The following MUC5B variants were observed in gnomAD, a reference collection of about 807,000 sequenced individuals.
The protein encoded by MUC5B is mucin-5B.
In MUC5B, 116 loss-of-function variants were observed where a neutral mutation model predicts 376.9. That is an observed-to-expected ratio of 0.31 (90% CI 0.26 to 0.36). The LOEUF (loss-of-function observed/expected upper bound fraction) is 0.36, where lower values mean the gene tolerates loss of function less well. Ranked by LOEUF, MUC5B falls within the 10% of genes least tolerant of loss-of-function variation. MUC5B has a pLI of 1.00. For synonymous variants in MUC5B, 3,517 were observed against 3,390.9 expected, an observed-to-expected ratio of 1.04 and a Z score of -1.29; for missense variants, 7,165 against 7,769.9, an observed-to-expected ratio of 0.92 and a Z score of 2.93.
intron 1 of MUC5B, 56 bp downstream of exon 1, chr11:1,223,249 G>A: frequency 1.4e-6 from 1 of 702,934 alleles, no homozygotes; most frequent in East Asian, 2.7e-5. Context: ...GGGGGTCTCT[G>A]CAGGTCGCTT....
At position 1,250,978 on chromosome 11, in the gene MUC5B, C is replaced by T. The variant is rs914632266; in HGVS notation, c.14098C>T (p.Pro4700Ser). 6.2e-7 allele frequency: 1 copy of T among 1,611,684 alleles called. No individual in the cohort carries two copies. The highest frequency in any genetic ancestry group is 8.5e-7 in the Non-Finnish European group (1 of 1,178,658). ...TGSTTNPSSTPGTTPITPVLT... is the reference protein window; with the variant it reads ...TGSTTNPSSTSGTTPITPVLT... Reference sequence around the variant, plus strand: ...CTCCACCACCAACCCCTCCTCAACTCCAGGGACAACACCCATCACCCCAGT... The same window carrying T: ...CTCCACCACCAACCCCTCCTCAACTTCAGGGACAACACCCATCACCCCAGT... The change falls in exon 31 of 49, where the codon CCA (proline) becomes TCA (serine). Residue 4700 changes from proline to serine, a missense_variant. Pro to Ser is a moderately conservative substitution (Grantham distance 74). Transcript: ENST00000529681.
At position 1,230,576 on chromosome 11, in the gene MUC5B, G is replaced by C. The variant is rs562331900; in HGVS notation, c.1446G>C (p.Thr482=). The part of the protein sequence containing the change: ...TDNENCLKAV[T]LSLDGGDTAI... Reference sequence around the variant, plus strand: ...ACGAGAACTGCCTGAAAGCGGTGACGCTCAGCCTGGACGGCGGGGACACGG... The same window carrying C: ...ACGAGAACTGCCTGAAAGCGGTGACCCTCAGCCTGGACGGCGGGGACACGG... Residue 482 remains threonine, a synonymous_variant, in exon 12 of 49, where the codon ACG becomes ACC. Coordinates refer to ENST00000529681, the MANE Select transcript of MUC5B (RefSeq NM_002458.3). 6.2e-7 allele frequency: 1 copy of C among 1,610,270 alleles called. No homozygotes were observed. The highest frequency in any genetic ancestry group is 8.5e-7 in the Non-Finnish European group (1 of 1,178,436).
In MUC5B at chr11:1,242,609, C is replaced by A. The variant is rs200669107; in HGVS notation, c.5729C>A (p.Pro1910Gln). 3.7e-6 allele frequency: 6 copies of A among 1,613,602 alleles called. No individual in the cohort carries two copies. The highest frequency in any genetic ancestry group is 5.1e-6 in the Non-Finnish European group (6 of 1,179,750). The part of the protein sequence containing the change: ...TPGTTWILTK[P>Q]TTTATTTAST... ...GGGACGACCTGGATCCTCACAAAGCCGACCACAACAGCCACTACGACTGCG... is the reference window on the plus strand; with the variant it reads ...GGGACGACCTGGATCCTCACAAAGCAGACCACAACAGCCACTACGACTGCG... The change falls in exon 31 of 49, where the codon CCG (proline) becomes CAG (glutamine). Residue 1910 changes from proline (P) to glutamine (Q), a missense_variant. Pro to Gln is a moderately conservative substitution (Grantham distance 76). Coordinates refer to ENST00000529681, the MANE Select transcript of MUC5B (RefSeq NM_002458.3).
At chr11:1,251,868 T>G in intron 31 of MUC5B, 125 bp downstream of exon 31, 1 of 736,736 alleles carries the variant, frequency 1.4e-6, no homozygotes, top group African/African-American at 1.8e-5. Context: ...TGGCCTCACT[T>G]GGCCCCTCCC....
Position 1,260,004 on chromosome 11 carries a change from C to T in MUC5B, c.16842C>T (p.Thr5614=), listed in dbSNP as rs1564954756. The T allele has an allele frequency of 6.8e-6, 11 of 1,612,866 alleles. No homozygotes were observed. The highest frequency in any genetic ancestry group is 3.3e-5 in the Admixed American group (2 of 59,992). ...TWVNSHVDNC[T]VYLCEAEGGV... Reference sequence around the variant, plus strand: ...TCAACAGCCATGTGGACAACTGCACCGTGTACCTCTGTGAGGCTGAGGGTG... The same window carrying T: ...TCAACAGCCATGTGGACAACTGCACTGTGTACCTCTGTGAGGCTGAGGGTG... The change falls in exon 46 of 49, where the codon ACC becomes ACT. Residue 5614 remains threonine (T), a synonymous_variant. Coordinates refer to ENST00000529681, the MANE Select transcript of MUC5B (RefSeq NM_002458.3).
rs905224388 is a variant in MUC5B at position 1,258,061 on chromosome 11, T to G, written c.16451-38T>G. On this transcript the variant is annotated intron_variant, in intron 41 of 48. Coordinates refer to ENST00000529681, the MANE Select transcript of MUC5B (RefSeq NM_002458.3). This position sits in a 1 kb window ranked among gnomAD's most constrained non-coding sequence, Gnocchi z 5.5. ...GGGAACAAGTGGTCGGGAGGAGGAG[T>G]GAGCAGCGCCCAGACAGTGGCCTCC... is the stretch of plus-strand genomic sequence containing the variant. 4 of 1,522,896 alleles carry G rather than the reference T, an allele frequency of 2.6e-6. No homozygotes were observed. In the African/African-American group the frequency reaches 5.5e-5, roughly 21 times the overall value. The allele number at this position is 1,522,896 out of a possible 1,614,324, so 94.3% of individuals were successfully genotyped here. A position where few individuals can be genotyped will look rare whatever the true frequency, so the allele number is the denominator to read the frequency against.
rs376129934 is a variant in MUC5B at position 1,252,365 on chromosome 11, C to T, written c.14886C>T (p.Thr4962=). 677 of 1,573,398 alleles carry T rather than the reference C, an allele frequency of 4.3e-4. 1 individual carries two copies. Among genetic ancestry groups the T allele is most frequent in the Non-Finnish European group, 5.4e-4 (628 of 1,159,370 alleles). Residue 4962 remains threonine, a synonymous_variant, in exon 32 of 49, where the codon ACC becomes ACT. Transcript: ENST00000529681. ...FSPGEVIYNK[T]DRAGCHFYAV... is the part of the protein sequence containing the mutation. The stretch of plus-strand genomic sequence containing the variant: ...CAGGGGAAGTCATCTACAATAAGAC[C>T]GACCGAGCCGGCTGCCATTTCTACG...
At chr11:1,230,431 T>TG in intron 11 of MUC5B, 59 bp from the exon 12 acceptor site, 4 of 1,469,916 alleles carry the variant, frequency 2.7e-6, no homozygotes, top group Non-Finnish European at 3.7e-6. Flanking sequence ...AGCACACTTC[T>TG]GGGGGGCACC....
intron 18 of MUC5B, 96 bp downstream of exon 18, chr11:1,233,364 A>G: frequency 7.4e-7 from 1 of 1,352,006 alleles, no homozygotes; most frequent in Non-Finnish European, 9.8e-7. Context: ...GAGGGTTCTG[A>G]GACATGAGGG....
Position 1,247,396 on chromosome 11 carries a change from A to G in MUC5B, c.10516A>G (p.Thr3506Ala). The change falls in exon 31 of 49, where the codon ACT becomes GCT. Residue 3506 changes from threonine to alanine, a missense_variant. This residue lies in a region of MUC5B where 939 missense variants were observed against 770.6 expected (regional missense o/e 1.22). Coordinates refer to ENST00000529681, the MANE Select transcript of MUC5B (RefSeq NM_002458.3). The stretch of plus-strand genomic sequence containing the variant: ...AACCACCAGTACCACCCAGCACTCG[A>G]CTCCAGCCCTGTCCAGCCCTCACCC... ...AATTSTTQHS[T>A]PALSSPHPSS... The G allele has an allele frequency of 6.2e-7, 1 of 1,606,950 alleles. No homozygotes were observed. The highest frequency in any genetic ancestry group is 8.5e-7 in the Non-Finnish European group (1 of 1,178,032).
intron 10 of MUC5B, 96 bp from the exon 11 acceptor site, chr11:1,229,909 G>T (rs1295566744): frequency 8.4e-6 from 13 of 1,546,172 alleles, no homozygotes; most frequent in Non-Finnish European, 8.7e-7. Flanking sequence ...GGAGCTCCTG[G>T]TGTGCACCCA....
chr11:1,249,464 T>A lies in MUC5B; in HGVS notation c.12584T>A (p.Leu4195Gln). The A allele has an allele frequency of 6.2e-7, 1 of 1,611,434 alleles. No homozygotes were observed. The change falls in exon 31 of 49, where the codon CTG (leucine) becomes CAG (glutamine). Residue 4195 changes from leucine (L) to glutamine (Q), a missense_variant. By Grantham distance (113) the Leu-to-Gln change is moderately radical. Transcript: ENST00000529681. ...TTGGGCCAGGTCGTGGAATGCAGCC[T>A]GGACTTTGGCCTGGTCTGCAGGAAC... ...GELGQVVECS[L>Q]DFGLVCRNRE...
rs769031505 is a variant in MUC5B at position 1,233,254 on chromosome 11, C to T, written c.2307C>T (p.Asp769=). The change falls in exon 18 of 49, where the codon GAC becomes GAT. Residue 769 remains aspartate, a synonymous_variant. Coordinates refer to ENST00000529681, the MANE Select transcript of MUC5B (RefSeq NM_002458.3). ...TVLAPGEVVH[D]EGAVCSCTGG... ...TGGCTCCTGGAGAGGTGGTGCACGA[C>T]GAGGGCGCCGTGTGGTAAGGGTCTG... is the stretch of plus-strand genomic sequence containing the variant. 1.8e-5 allele frequency: 28 copies of T among 1,572,480 alleles called. No individual in the cohort carries two copies. The highest frequency in any genetic ancestry group is 1.7e-4 in the Middle Eastern group (1 of 6,008).
intron 5 of MUC5B, 50 bp from the exon 6 acceptor site, chr11:1,227,258 G>A (rs1289585076): frequency 1.1e-5 from 17 of 1,581,014 alleles, no homozygotes; most frequent in Non-Finnish European, 1.5e-5. Flanking sequence ...CATGTTGCCA[G>A]TGTGGGGATC....
Position 1,257,924 on chromosome 11 carries a change from C to T in MUC5B, c.16451-175C>T, listed in dbSNP as rs531967299. On this transcript the variant is annotated intron_variant, in intron 41 of 48. Transcript: ENST00000529681. This position sits in a 1 kb window ranked among gnomAD's most constrained non-coding sequence, Gnocchi z 8.9. ...GACCTCTGGCCTGCCCAGGAGTGGC[C>T]CAGGGACGTGGGAAGCAGCGGGGAG... is the stretch of plus-strand genomic sequence containing the variant. Among the ~76,000 whole-genome samples, 12 of 152,278 alleles carry T rather than the reference C, an allele frequency of 7.9e-5. No homozygotes were observed. Among genetic ancestry groups the T allele is most frequent in the African/African-American group, 2.9e-4 (12 of 41,566 alleles).
Position 1,252,259 on chromosome 11 carries a change from C to A in MUC5B, c.14864-84C>A. 3.6e-6 allele frequency: 5 copies of A among 1,372,222 alleles called. No homozygotes were observed. The East Asian group carries it at 9.6e-5, about 26-fold the overall frequency. The allele number at this position is 1,372,222 out of a possible 1,614,324, so 85.0% of individuals were successfully genotyped here. A position where few individuals can be genotyped will look rare whatever the true frequency, so the allele number is the denominator to read the frequency against. The stretch of plus-strand genomic sequence containing the variant: ...CCTGGAACCGCTGCTCCCTCCTGCG[C>A]TGACCTCTGCCTTTGCTCTCCCAGA... On this transcript the variant is annotated intron_variant, in intron 31 of 48. Coordinates refer to ENST00000529681, the MANE Select transcript of MUC5B (RefSeq NM_002458.3).
At position 1,257,986 on chromosome 11, in the gene MUC5B, G is replaced by A. The variant is rs1222498983; in HGVS notation, c.16451-113G>A. 8 of 1,122,924 alleles carry A rather than the reference G, an allele frequency of 7.1e-6. No individual in the cohort carries two copies. In the East Asian group the frequency reaches 1.0e-4, roughly 14 times the overall value. 69.6% of individuals were successfully genotyped at this position (1,122,924 alleles called of 1,614,324 possible). ...AGGGGCCTGGAGGGAGCCCCCAGGG[G>A]CTGTGAAGCGGTCAGGTCCTCGGGG... On this transcript the variant is annotated intron_variant, in intron 41 of 48. Transcript: ENST00000529681. This position sits in a 1 kb window ranked among gnomAD's most constrained non-coding sequence, Gnocchi z 8.9.
rs369301984 is a variant in MUC5B, at chr11:1,253,466, C to T, written c.15217+486C>T. Among the ~76,000 whole-genome samples, 20 of 152,204 alleles carry T rather than the reference C, an allele frequency of 1.3e-4. No individual in the cohort carries two copies. The East Asian group carries it at 2.7e-3, about 21-fold the overall frequency. ...CCTAACAGCGGCTTCCATCACCGTG[C>T]GGGACCCACCGCTAAGAGGTCACGG... is the stretch of plus-strand genomic sequence containing the variant. On this transcript the variant is annotated intron_variant, in intron 33 of 48. Transcript: ENST00000529681. The surrounding 1 kb of genome is among the most constrained non-coding windows in gnomAD (Gnocchi z 4.3).
At chr11:1,261,280 A>AG in intron 48 of MUC5B, 109 bp from the exon 49 acceptor site, 1 of 949,974 alleles carries the variant, frequency 1.1e-6, no homozygotes, top group South Asian at 1.6e-5. Context: ...TGTGGACAGA[A>AG]GGGGGCGGCC....
Sources: gnomAD v4.1 joint callset for allele counts (sites outside exome capture counted in the v4.1 genomes callset) on GRCh38, gnomAD v4.1.1 for gene constraint, gnomAD v4.1.1 regional missense constraint, Gnocchi (gnomAD v3.1) non-coding constraint, MANE v1.5 for transcripts, NCBI Gene and HGNC (gene_info 2026-07-23, HGNC 2026-07-21) for gene names.